TMC1: variants seen among roughly 807,000 people sequenced by gnomAD.
The protein encoded by TMC1 is transmembrane channel like 1, also known as transmembrane channel-like protein 1.
A neutral mutation model predicts 105.8 loss-of-function variants in TMC1; 84 were observed. That is an observed-to-expected ratio of 0.79 (90% confidence interval 0.67 to 0.95). The LOEUF is 0.95. Ranked by LOEUF, TMC1 falls within the 40% of genes least tolerant of loss-of-function variation. The pLI is 0.00. For synonymous variants in TMC1, 315 were observed against 311.5 expected, an observed-to-expected ratio of 1.01 and a Z score of -0.12; for missense variants, 817 against 914.1, an observed-to-expected ratio of 0.89 and a Z score of 1.37.
At chr9:72,614,914 A>G (rs1825100492) in intron 2 of TMC1, among the ~76,000 whole-genome samples, 1 of 152,178 alleles carries the variant, frequency 6.6e-6, no homozygotes, top group African/African-American at 2.4e-5. Flanking sequence ...TCCTGAGCTC[A>G]GGCAATCCAC....
At chr9:72,624,675 C>T (rs1373266466) in intron 3 of TMC1, among the ~76,000 whole-genome samples, 1 of 152,202 alleles carries the variant, frequency 6.6e-6, no homozygotes, top group Admixed American at 6.5e-5. Flanking sequence ...CAATTATGCA[C>T]CAGGCCTGAG....
chr9:72,602,047 C>T (rs1381548966), intron 2 of TMC1, among the ~76,000 whole-genome samples: 2 of 152,044 alleles, frequency 1.3e-5, no homozygotes, highest in Non-Finnish European at 2.9e-5. Flanking sequence ...ATTTTGTGCA[C>T]CTGTCACGTG....
At chr9:72,750,545 T>C (rs1297812315) in intron 10 of TMC1, among the ~76,000 whole-genome samples, 1 of 84,860 alleles carries the variant, frequency 1.2e-5, no homozygotes, top group African/African-American at 5.4e-5. Flanking sequence ...AGAGGGTGCT[T>C]TTTTTTTCTC....
At chr9:72,754,301 T>A (rs1467320117) in intron 11 of TMC1, among the ~76,000 whole-genome samples, 2 of 152,184 alleles carry the variant, frequency 1.3e-5, no homozygotes, top group Non-Finnish European at 2.9e-5. Flanking sequence ...GGTGCAAGTG[T>A]TCTCACGTTG....
At chr9:72,576,748 C>T (rs1440736865) in intron 1 of TMC1, among the ~76,000 whole-genome samples, 7 of 151,814 alleles carry the variant, frequency 4.6e-5, no homozygotes, top group Non-Finnish European at 1.0e-4. Context: ...TCCTGCTCAG[C>T]CTCTCGAGTA....
chr9:72,598,944 G>A (rs1463337480), intron 2 of TMC1, among the ~76,000 whole-genome samples: 1 of 152,128 alleles, frequency 6.6e-6, no homozygotes, highest in Non-Finnish European at 1.5e-5. Context: ...CAGAGTGTTT[G>A]GTATTAATTG....
chr9:72,583,436 T>C (rs2132100490), intron 2 of TMC1, among the ~76,000 whole-genome samples: 1 of 152,364 alleles, frequency 6.6e-6, no homozygotes, highest in East Asian at 1.9e-4. Flanking sequence ...TAATCTCTTT[T>C]GCTCTGCCTC....
At chr9:72,798,845 T>C (rs1412313985) in intron 17 of TMC1, among the ~76,000 whole-genome samples, 2 of 152,014 alleles carry the variant, frequency 1.3e-5, no homozygotes, top group African/African-American at 4.8e-5. Flanking sequence ...ATAAAAGTTT[T>C]TTTTTAATGG....
chr9:72,558,315 C>A (rs762252247), intron 1 of TMC1, among the ~76,000 whole-genome samples: 26 of 152,188 alleles, frequency 1.7e-4, no homozygotes, highest in Non-Finnish European at 2.9e-4. Context: ...TGAGTTAAAT[C>A]TCTTCCCTTT....
intron 1 of TMC1, among the ~76,000 whole-genome samples, chr9:72,553,266 C>A (rs781627981): frequency 1.3e-5 from 2 of 152,106 alleles, no homozygotes; most frequent in Non-Finnish European, 2.9e-5. Flanking sequence ...AGTCACCAAG[C>A]CTGGCTCCAA....
intron 5 of TMC1, among the ~76,000 whole-genome samples, chr9:72,650,913 GAT>G (rs1241519802): frequency 2.6e-5 from 3 of 117,646 alleles, no homozygotes; most frequent in Non-Finnish European, 5.3e-5. Flanking sequence ...AATATATATA[GAT>G]ATATATATAA....
intron 10 of TMC1, among the ~76,000 whole-genome samples, chr9:72,746,738 A>G (rs1827495509): frequency 6.6e-6 from 1 of 152,108 alleles, no homozygotes; most frequent in Non-Finnish European, 1.5e-5. Context: ...TGTGAAGCGG[A>G]TTCTCACCTG....
chr9:72,523,855 T>C (rs1489866806), intron 1 of TMC1, among the ~76,000 whole-genome samples: 1 of 152,034 alleles, frequency 6.6e-6, no homozygotes, highest in Non-Finnish European at 1.5e-5. Flanking sequence ...TATAGAGGCC[T>C]GAAACAGCAT....
intron 8 of TMC1, among the ~76,000 whole-genome samples, chr9:72,702,172 A>C (rs552199069): frequency 6.6e-5 from 10 of 152,328 alleles, no homozygotes; most frequent in South Asian, 6.2e-4. Context: ...TGGGAACTTC[A>C]GATAACTATA....
chr9:72,809,554 G>A (rs897871446), intron 18 of TMC1, among the ~76,000 whole-genome samples: 32 of 152,200 alleles, frequency 2.1e-4, no homozygotes, highest in African/African-American at 7.2e-4. Flanking sequence ...CTCTGTGCTA[G>A]GTGATAAAGG....
intron 20 of TMC1, 68 bp downstream of exon 20, chr9:72,821,149 CA>C (rs1828866620): frequency 6.2e-7 from 1 of 1,605,744 alleles, no homozygotes; most frequent in South Asian, 1.1e-5. Context: ...AATGGTCATT[CA>C]TTGTATAAGC....
intron 8 of TMC1, among the ~76,000 whole-genome samples, chr9:72,739,382 T>C (rs1013001679): frequency 1.3e-5 from 2 of 152,216 alleles, no homozygotes; most frequent in African/African-American, 4.8e-5. Flanking sequence ...ACATTCAGTC[T>C]ATAACAATGA....
intron 4 of TMC1, among the ~76,000 whole-genome samples, chr9:72,636,201 T>C (rs1825532127): frequency 6.6e-6 from 1 of 152,228 alleles, no homozygotes; most frequent in East Asian, 1.9e-4. Flanking sequence ...TAGACGCATC[T>C]CTAAATTGTC....
chr9:72,559,676 G>C (rs1232280415), intron 1 of TMC1, among the ~76,000 whole-genome samples: 1 of 152,110 alleles, frequency 6.6e-6, no homozygotes, highest in Non-Finnish European at 1.5e-5. Context: ...AATCTGCAAA[G>C]CAAGTAATAA....
Sources: gnomAD v4.1 joint callset for allele counts (sites outside exome capture counted in the v4.1 genomes callset) on GRCh38, gnomAD v4.1.1 for gene constraint, MANE v1.5 for transcripts, NCBI Gene and HGNC (gene_info 2026-07-23, HGNC 2026-07-21) for gene names.